Variants in DLGAP2 observed in about 807,000 individuals in gnomAD.
The protein encoded by DLGAP2 is disks large-associated protein 2.
Under a neutral mutation model 100.3 loss-of-function variants are expected in DLGAP2, and 26 were observed. The ratio of observed to expected loss-of-function variants is 0.26; its 90% CI spans 0.19 to 0.36. DLGAP2 has a LOEUF of 0.36. DLGAP2 is among the 10% of genes least tolerant of loss of function. DLGAP2 has a pLI of 1.00. For missense variants in DLGAP2, 1,858 were observed against 1,453.2 expected (o/e 1.28, Z -4.53); for synonymous variants, 886 against 630.1 (o/e 1.41, Z -6.08).
chr8:1,088,080 G>T (rs1207449051), intron 2 of DLGAP2, among the ~76,000 whole-genome samples: 2 of 152,218 alleles, frequency 1.3e-5, no homozygotes, highest in Non-Finnish European at 2.9e-5. Flanking sequence ...TCTCCAGCTG[G>T]GCTTGGCCCC....
At chr8:1,060,878 C>G (rs955177309) in intron 2 of DLGAP2, among the ~76,000 whole-genome samples, 4 of 152,222 alleles carry the variant, frequency 2.6e-5, no homozygotes, top group Non-Finnish European at 4.4e-5. Context: ...GAGGTGGGCT[C>G]TGCCCCCTCA....
chr8:1,210,187 C>T (rs763491139), intron 2 of DLGAP2, among the ~76,000 whole-genome samples: 28 of 152,084 alleles, frequency 1.8e-4, no homozygotes, highest in South Asian at 2.1e-4. Context: ...GGAGTGGGCT[C>T]TGCTGGGCAT....
intron 2 of DLGAP2, among the ~76,000 whole-genome samples, chr8:1,196,716 G>T (rs572073129): frequency 1.3e-5 from 2 of 152,150 alleles, no homozygotes; most frequent in Admixed American, 6.5e-5. Flanking sequence ...GCAGCCGCAC[G>T]TTGTCAGTGG....
chr8:771,591 C>T (rs1373049082), intron 1 of DLGAP2, among the ~76,000 whole-genome samples: 2 of 152,348 alleles, frequency 1.3e-5, no homozygotes, highest in South Asian at 4.1e-4. Context: ...GCTGTCTGTA[C>T]TAGTCCAACC....
chr8:1,214,251 C>G (rs1798166450), intron 2 of DLGAP2, among the ~76,000 whole-genome samples: 1 of 152,208 alleles, frequency 6.6e-6, no homozygotes, highest in African/African-American at 2.4e-5. Flanking sequence ...CCTCTCCCAA[C>G]CAACCCAGGT....
intron 2 of DLGAP2, among the ~76,000 whole-genome samples, chr8:1,167,895 T>C (rs1797050882): frequency 6.6e-6 from 1 of 151,356 alleles, no homozygotes; most frequent in African/African-American, 2.4e-5. Context: ...TTTTTTTTTA[T>C]TATACTTTAA....
chr8:1,048,746 C>T (rs976667571), intron 2 of DLGAP2, among the ~76,000 whole-genome samples: 25 of 151,976 alleles, frequency 1.6e-4, no homozygotes, highest in African/African-American at 6.0e-4. Flanking sequence ...CTAGCCTGTC[C>T]CCACATCTGC....
In DLGAP2 at chr8:1,079,417, A is replaced by G. The variant is rs142237808; in HGVS notation, c.73+171451A>G. Among the ~76,000 whole-genome samples, 910 of 152,240 alleles carry G rather than the reference A, an allele frequency of 6.0e-3. 12 individuals are homozygous for G. Among genetic ancestry groups the G allele is most frequent in the African/African-American group, 0.02 (817 of 41,542 alleles). On this transcript the variant is annotated intron_variant, in intron 2 of 14. Transcript: ENST00000637795. The stretch of plus-strand genomic sequence containing the variant: ...TTAGTGCCTTAAGTTCTTCTGCATT[A>G]TTTTGTTTAAACTATTTTTCAAAAA...
intron 2 of DLGAP2, among the ~76,000 whole-genome samples, chr8:1,160,401 G>C (rs1796867169): frequency 6.6e-6 from 1 of 152,162 alleles, no homozygotes; most frequent in African/African-American, 2.4e-5. Context: ...AGGTTTTCTG[G>C]GATGTGGGCG....
At chr8:1,503,271 A>G (rs1034461426) in intron 4 of DLGAP2, among the ~76,000 whole-genome samples, 2 of 152,124 alleles carry the variant, frequency 1.3e-5, no homozygotes, top group African/African-American at 2.4e-5. Context: ...CTCTGTCCCC[A>G]TGAAACACTC....
intron 2 of DLGAP2, among the ~76,000 whole-genome samples, chr8:1,173,071 C>T (rs1797165033): frequency 6.6e-6 from 1 of 152,028 alleles, no homozygotes; most frequent in Non-Finnish European, 1.5e-5. Flanking sequence ...TGTGGATGTC[C>T]TTTCTGTTTG....
chr8:1,690,285 G>C (rs1799224810), intron 12 of DLGAP2, among the ~76,000 whole-genome samples: 1 of 151,898 alleles, frequency 6.6e-6, no homozygotes, highest in African/African-American at 2.4e-5. Context: ...GAATTCAGGA[G>C]GTGGAGGCTG....
chr8:1,198,251 C>G (rs1797797144), intron 2 of DLGAP2, among the ~76,000 whole-genome samples: 1 of 152,174 alleles, frequency 6.6e-6, no homozygotes, highest in Non-Finnish European at 1.5e-5. Flanking sequence ...GCTGCACATC[C>G]CTCTAAGGAG....
chr8:1,524,122 G>C (rs946507133), intron 4 of DLGAP2, among the ~76,000 whole-genome samples: 1 of 152,162 alleles, frequency 6.6e-6, no homozygotes, highest in Non-Finnish European at 1.5e-5. Flanking sequence ...CCCCAGACGG[G>C]GCTGGCCTTG....
intron 3 of DLGAP2, among the ~76,000 whole-genome samples, chr8:1,265,517 G>C (rs1799433051): frequency 6.6e-6 from 1 of 152,160 alleles, no homozygotes; most frequent in South Asian, 2.1e-4. Flanking sequence ...AAAAAGAATG[G>C]GGAGAAAGGA....
intron 2 of DLGAP2, among the ~76,000 whole-genome samples, chr8:1,176,751 A>G (rs887917084): frequency 1.3e-5 from 2 of 152,026 alleles, no homozygotes; most frequent in African/African-American, 2.4e-5. Flanking sequence ...CTGCTGGTCC[A>G]GAAGAGATGG....
At chr8:1,469,487 C>T (rs1002010984) in intron 3 of DLGAP2, among the ~76,000 whole-genome samples, 4 of 152,204 alleles carry the variant, frequency 2.6e-5, no homozygotes, top group East Asian at 1.9e-4. Flanking sequence ...GAGGTTTCTT[C>T]GGAAGCTACT....
At position 1,706,113 on chromosome 8, in the gene DLGAP2, G is replaced by A. The variant is rs755768882; in HGVS notation, c.*4707G>A. On this transcript the variant is annotated 3_prime_UTR_variant, in exon 15 of 15. Transcript: ENST00000637795. ...AACAAAGTGCTAAAGGAAAGGGTTT[G>A]CTTCTACACATTCGGCTGAATGTCC... 6.6e-6 allele frequency: 1 copy of A among 152,218 alleles called. No individual in the cohort carries two copies. The highest frequency in any genetic ancestry group is 1.5e-5 in the Non-Finnish European group (1 of 68,034). The allele number at this position is 152,218 out of a possible 1,614,324, so 9.4% of individuals were successfully genotyped here. A position where few individuals can be genotyped will look rare whatever the true frequency, so the allele number is the denominator to read the frequency against.
At chr8:1,575,177 C>G (rs988296621) in intron 6 of DLGAP2, among the ~76,000 whole-genome samples, 1 of 152,184 alleles carries the variant, frequency 6.6e-6, no homozygotes, top group African/African-American at 2.4e-5. Context: ...TCCACTCACC[C>G]TTTGATGACA....
Sources: gnomAD v4.1 joint callset for allele counts (sites outside exome capture counted in the v4.1 genomes callset) on GRCh38, gnomAD v4.1.1 for gene constraint, MANE v1.5 for transcripts, NCBI Gene and HGNC (gene_info 2026-07-23, HGNC 2026-07-21) for gene names.